NUDCD3: variants seen among roughly 807,000 people sequenced by gnomAD.
The protein encoded by NUDCD3 is nudC domain-containing protein 3.
NUDCD3 carries 13 observed loss-of-function variants against 39.7 expected under a neutral mutation model. The ratio of observed to expected loss-of-function variants is 0.33; its 90% CI spans 0.21 to 0.52. The LOEUF (loss-of-function observed/expected upper bound fraction) is 0.52. NUDCD3 is among the 20% of genes least tolerant of loss of function. NUDCD3 has a pLI of 0.96. For missense variants in NUDCD3, 453 were observed against 458.1 expected, an observed-to-expected ratio of 0.99 and a Z score of 0.10; for synonymous variants, 175 against 172.4, an observed-to-expected ratio of 1.02 and a Z score of -0.12.
At chr7:44,475,237 G>A (rs1389636990) in intron 2 of NUDCD3, among the ~76,000 whole-genome samples, 2 of 149,750 alleles carry the variant, frequency 1.3e-5, no homozygotes, top group Non-Finnish European at 3.0e-5. Flanking sequence ...TCAGCTTCCC[G>A]AGTAGCTGGG....
At chr7:44,405,331 C>T (rs1315110786) in intron 3 of NUDCD3, among the ~76,000 whole-genome samples, 1 of 152,228 alleles carries the variant, frequency 6.6e-6, no homozygotes, top group Non-Finnish European at 1.5e-5. Flanking sequence ...ATCCCTGCCC[C>T]ACCACTTGTC....
intron 2 of NUDCD3, among the ~76,000 whole-genome samples, chr7:44,441,942 GC>G (rs1485964167): frequency 6.6e-6 from 1 of 152,112 alleles, no homozygotes; most frequent in African/African-American, 2.4e-5. Context: ...TTGATCCACA[GC>G]CACAGCACTG....
At chr7:44,400,988 C>A (rs1442492099) in intron 4 of NUDCD3, among the ~76,000 whole-genome samples, 5 of 152,238 alleles carry the variant, frequency 3.3e-5, no homozygotes, top group African/African-American at 1.2e-4. Context: ...CCAGTGCCTG[C>A]ACAGGGTTGG....
rs751100589 is a variant in NUDCD3 at position 44,490,436 on chromosome 7, G to A, written c.165C>T (p.Pro55=). 5.7e-6 allele frequency: 9 copies of A among 1,588,126 alleles called. No homozygotes were observed. Among genetic ancestry groups the A allele is most frequent in the Admixed American group, 3.6e-5 (2 of 56,238 alleles). Residue 55 remains proline, a synonymous_variant, in exon 1 of 6, where the codon CCC becomes CCT. Transcript: ENST00000355451. Reference sequence around the variant, plus strand: ...GCAGCACCAAGGCCTGCGCGGCCCCGGGCGGGAAGCCCATGCGGTCCGATG... The same window carrying A: ...GCAGCACCAAGGCCTGCGCGGCCCCAGGCGGGAAGCCCATGCGGTCCGATG... The part of the protein sequence containing the change: ...RHPSDRMGFP[P]GAAQALVLQV...
rs1473477890 is a variant in NUDCD3 at position 44,379,405 on chromosome 7, G to A, written c.*6606C>T. 2 of 152,044 alleles carry A rather than the reference G, an allele frequency of 1.3e-5. No homozygotes were observed. Among genetic ancestry groups the A allele is most frequent in the Non-Finnish European group, 2.9e-5 (2 of 68,044 alleles). The allele number at this position is 152,044 out of a possible 1,614,324, so 9.4% of individuals were successfully genotyped here. A position where few individuals can be genotyped will look rare whatever the true frequency, so the allele number is the denominator to read the frequency against. On this transcript the variant is annotated 3_prime_UTR_variant, in exon 6 of 6. Coordinates refer to ENST00000355451, the MANE Select transcript of NUDCD3 (RefSeq NM_015332.4). ...GCGGGGTGGGGGGGAACAGGGGACA[G>A]GGGTGGTCACAGGAGTCCTAGCTGC...
At chr7:44,408,034 A>C (rs1334082146) in intron 3 of NUDCD3, among the ~76,000 whole-genome samples, 2 of 152,136 alleles carry the variant, frequency 1.3e-5, no homozygotes, top group Non-Finnish European at 2.9e-5. Context: ...GTTTTTAAAA[A>C]GGTCCTGAAA....
intron 2 of NUDCD3, among the ~76,000 whole-genome samples, chr7:44,434,743 T>C (rs997085566): frequency 6.6e-6 from 1 of 152,182 alleles, no homozygotes; most frequent in Non-Finnish European, 1.5e-5. Context: ...GAATGCTCTG[T>C]GTGTCCGTGG....
chr7:44,400,126 A>G (rs1452460463), intron 4 of NUDCD3, among the ~76,000 whole-genome samples: 2 of 152,242 alleles, frequency 1.3e-5, no homozygotes, highest in Admixed American at 1.3e-4. Flanking sequence ...GATGGTGCGC[A>G]TGCCAACTGC....
At position 44,432,098 on chromosome 7, in the gene NUDCD3, C is replaced by T. The variant is rs151063083; in HGVS notation, c.510-4395G>A. ...AGGAGTTTGAGACCAGTCTGGGCAACGTAGGAAGACCCATCTCTACAAAAA... is the reference window on the plus strand; with the variant it reads ...AGGAGTTTGAGACCAGTCTGGGCAATGTAGGAAGACCCATCTCTACAAAAA... On this transcript the variant is annotated intron_variant, in intron 2 of 5. Transcript: ENST00000355451. Among the ~76,000 whole-genome samples, 646 of 152,198 alleles carry T rather than the reference C, an allele frequency of 4.2e-3. 7 individuals carry two copies. The highest frequency in any genetic ancestry group is 0.015 in the African/African-American group (612 of 41,510).
intron 3 of NUDCD3, among the ~76,000 whole-genome samples, chr7:44,407,062 G>T (rs902769161): frequency 6.6e-6 from 1 of 152,012 alleles, no homozygotes; most frequent in Non-Finnish European, 1.5e-5. Context: ...GCAGTCTGAG[G>T]ACCTAGTGTG....
chr7:44,449,599 C>T (rs1799754311), intron 2 of NUDCD3, among the ~76,000 whole-genome samples: 1 of 152,010 alleles, frequency 6.6e-6, no homozygotes, highest in African/African-American at 2.4e-5. Flanking sequence ...GGGGCAGAAA[C>T]ATATAAAAGT....
chr7:44,468,176 TC>T (rs774512834), intron 2 of NUDCD3: 56 of 1,602,430 alleles, frequency 3.5e-5, no homozygotes, highest in Non-Finnish European at 3.3e-5. Context: ...GTGCAACAAA[TC>T]TTACTGTGCC....
chr7:44,393,538 T>C (rs1798559722), intron 4 of NUDCD3, among the ~76,000 whole-genome samples: 1 of 152,156 alleles, frequency 6.6e-6, no homozygotes. Context: ...GGCTCAAAAT[T>C]CTTACCAGAG....
rs139544360 is a variant in NUDCD3 at position 44,442,615 on chromosome 7, T to G, written c.510-14912A>C. Among the ~76,000 whole-genome samples the G allele has an allele frequency of 1.1e-4, 16 of 152,252 alleles. 1 individual carries two copies. The East Asian group carries it at 3.1e-3, about 29-fold the overall frequency. On this transcript the variant is annotated intron_variant, in intron 2 of 5. Transcript: ENST00000355451. The stretch of plus-strand genomic sequence containing the variant: ...TTCTGTCTCAGCTCACTCATTGAAT[T>G]ACTTTCCTCTTACCCTCAAGTCTTT...
intron 2 of NUDCD3, among the ~76,000 whole-genome samples, chr7:44,439,802 C>G (rs1485522644): frequency 6.6e-6 from 1 of 152,056 alleles, no homozygotes; most frequent in Non-Finnish European, 1.5e-5. Context: ...ACAAATCTTC[C>G]TAATGGAAGT....
chr7:44,487,820 G>A (rs1239732221), intron 1 of NUDCD3, among the ~76,000 whole-genome samples: 1 of 151,940 alleles, frequency 6.6e-6, no homozygotes, highest in Non-Finnish European at 1.5e-5. Context: ...TAGGCATGGT[G>A]GTACATGCCT....
At chr7:44,454,461 G>A (rs545497331) in intron 2 of NUDCD3, among the ~76,000 whole-genome samples, 1 of 152,346 alleles carries the variant, frequency 6.6e-6, no homozygotes, top group Non-Finnish European at 1.5e-5. Flanking sequence ...ATTGTTAAAT[G>A]ACTGAATTAA....
chr7:44,429,173 C>T (rs916551042), intron 2 of NUDCD3, among the ~76,000 whole-genome samples: 1 of 152,218 alleles, frequency 6.6e-6, no homozygotes, highest in African/African-American at 2.4e-5. Flanking sequence ...CCTGAGTCCT[C>T]TGGGCTGGGC....
chr7:44,478,053 C>CA (rs1400715328), intron 2 of NUDCD3, among the ~76,000 whole-genome samples: 3 of 152,064 alleles, frequency 2.0e-5, no homozygotes, highest in African/African-American at 7.2e-5. Flanking sequence ...AGGCTTGTCT[C>CA]AAACTCCTGA....
Sources: allele counts gnomAD v4.1 joint callset (sites outside exome capture counted in the v4.1 genomes callset), GRCh38; gene constraint gnomAD v4.1.1; transcripts MANE v1.5; gene names NCBI Gene and HGNC (gene_info 2026-07-23, HGNC 2026-07-21).